STUB1: variants seen among roughly 807,000 people sequenced by gnomAD.
The protein encoded by STUB1 is E3 ubiquitin-protein ligase CHIP.
Under a neutral mutation model 40.3 loss-of-function variants are expected in STUB1, and 37 were observed. The observed-to-expected ratio is 0.92, with a 90% CI of 0.71 to 1.21. The LOEUF (loss-of-function observed/expected upper bound fraction) is 1.21. Ranked by LOEUF, STUB1 falls within the 50% of genes most tolerant of loss-of-function variation. The probability of loss-of-function intolerance (pLI) is 0.00; values close to 1 mark genes in which losing one functional copy is unlikely to be tolerated. For synonymous variants in STUB1, 246 were observed against 171.9 expected (o/e 1.43, Z -3.37); for missense variants, 460 against 421.9 (o/e 1.09, Z -0.79).
rs757164655 is a variant in STUB1 at position 681,222 on chromosome 16, A to G, written c.230A>G (p.Glu77Gly). The change falls in exon 2 of 7, where the codon GAG (glutamate) becomes GGG (glycine). Residue 77 changes from glutamate to glycine, a missense_variant. Coordinates refer to ENST00000219548, the MANE Select transcript of STUB1 (RefSeq NM_005861.4). ...TGCTACCTGAAGATGCAGCAGCACG[A>G]GCAGGCCCTGGCCGACTGCCGGCGC... ...ALCYLKMQQH[E>G]QALADCRRAL... 1.9e-6 allele frequency: 3 copies of G among 1,611,054 alleles called. No homozygotes were observed. Among genetic ancestry groups the G allele is most frequent in the South Asian group, 1.1e-5 (1 of 90,748 alleles).
At chr16:682,303 G>A (rs746439888) in intron 6 of STUB1, 22 bp downstream of exon 6, 20 of 1,612,484 alleles carry the variant, frequency 1.2e-5, no homozygotes, top group Non-Finnish European at 1.6e-5. Context: ...GGCTGGGGGA[G>A]CAGGGCCAGT....
At position 682,423 on chromosome 16, in the gene STUB1, C is replaced by G; in HGVS notation, c.846C>G (p.Pro282=). ...CCCTGACCCAGGAACAGCTCATCCC[C>G]AACTTGGCTATGAAGGAGGTTATTG... ...RSPLTQEQLI[P]NLAMKEVIDA... is the part of the protein sequence containing the mutation. Residue 282 remains proline (P), a synonymous_variant, in exon 7 of 7, where the codon CCC becomes CCG. Coordinates refer to ENST00000219548, the MANE Select transcript of STUB1 (RefSeq NM_005861.4). 1.2e-6 allele frequency: 2 copies of G among 1,613,450 alleles called. No individual in the cohort carries two copies. The highest frequency in any genetic ancestry group is 2.7e-5 in the African/African-American group (2 of 75,066).
Position 680,917 on chromosome 16 carries a change from G to A in STUB1, c.159+233G>A. On this transcript the variant is annotated intron_variant, in intron 1 of 6. Coordinates refer to ENST00000219548, the MANE Select transcript of STUB1 (RefSeq NM_005861.4). This position sits in a 1 kb window ranked among gnomAD's most constrained non-coding sequence, Gnocchi z 4.9. The stretch of plus-strand genomic sequence containing the variant: ...GGCCCTCGACCCTTGAGGACCCCAG[G>A]TCCTAAGCCCGGACTCTCCAAAGAT... 1 of 653,960 alleles carries A rather than the reference G, an allele frequency of 1.5e-6. No homozygotes were observed. The highest frequency in any genetic ancestry group is 2.2e-5 in the South Asian group (1 of 45,312). The allele number at this position is 653,960 out of a possible 1,614,324, so 40.5% of individuals were successfully genotyped here.
Position 681,062 on chromosome 16 carries a change from G to A in STUB1, c.160-90G>A. On this transcript the variant is annotated intron_variant, in intron 1 of 6. Coordinates refer to ENST00000219548, the MANE Select transcript of STUB1 (RefSeq NM_005861.4). ...TGAGAAACCTAGTTTCTTGATTCTAGCCAGAGCGCAGAAGCTGGGACGGGC... is the reference window on the plus strand; with the variant it reads ...TGAGAAACCTAGTTTCTTGATTCTAACCAGAGCGCAGAAGCTGGGACGGGC... 3.0e-6 allele frequency: 4 copies of A among 1,343,248 alleles called. No individual in the cohort carries two copies. The East Asian group carries it at 1.0e-4, about 34-fold the overall frequency. 83.2% of individuals were successfully genotyped at this position (1,343,248 alleles called of 1,614,324 possible).
Position 680,762 on chromosome 16 carries a change from G to C in STUB1, c.159+78G>C. ...GCCCGGGCCCGGCCGGCCCCACCGA[G>C]GGTCTGGCTCCTCTTCGGGGCGTGT... On this transcript the variant is annotated intron_variant, in intron 1 of 6. Coordinates refer to ENST00000219548, the MANE Select transcript of STUB1 (RefSeq NM_005861.4). This position sits in a 1 kb window ranked among gnomAD's most constrained non-coding sequence, Gnocchi z 4.9. The C allele has an allele frequency of 8.8e-7, 1 of 1,140,604 alleles. No homozygotes were observed. The allele number at this position is 1,140,604 out of a possible 1,614,324, so 70.7% of individuals were successfully genotyped here.
At position 681,499 on chromosome 16, in the gene STUB1, A is replaced by C; in HGVS notation, c.420A>C (p.Arg140=). 1.2e-6 allele frequency: 2 copies of C among 1,612,578 alleles called. No individual in the cohort carries two copies. The highest frequency in any genetic ancestry group is 8.5e-7 in the Non-Finnish European group (1 of 1,179,878). ...GGGACGACATCCCCAGCGCTCTTCGAATCGCGAAGAAGAAGCGCTGGAACA... is the reference window on the plus strand; with the variant it reads ...GGGACGACATCCCCAGCGCTCTTCGCATCGCGAAGAAGAAGCGCTGGAACA... ...NFGDDIPSAL[R]IAKKKRWNSI... Residue 140 remains arginine, a synonymous_variant, in exon 3 of 7, where the codon CGA becomes CGC. Coordinates refer to ENST00000219548, the MANE Select transcript of STUB1 (RefSeq NM_005861.4).
Position 682,537 on chromosome 16 carries a change from A to G in STUB1, c.*48A>G, listed in dbSNP as rs1249325114. 4 of 1,610,086 alleles carry G rather than the reference A, an allele frequency of 2.5e-6. No homozygotes were observed. In the African/African-American group the frequency reaches 5.3e-5, roughly 22 times the overall value. ...CCTGGTCCAGGGGAGCCCTGGGCAGAAGCCCCCGGCCCCTATACATAGTTT... is the reference window on the plus strand; with the variant it reads ...CCTGGTCCAGGGGAGCCCTGGGCAGGAGCCCCCGGCCCCTATACATAGTTT... On this transcript the variant is annotated 3_prime_UTR_variant, in exon 7 of 7. Coordinates refer to ENST00000219548, the MANE Select transcript of STUB1 (RefSeq NM_005861.4).
rs747066754 is a variant in STUB1 at position 681,316 on chromosome 16, G to A, written c.324G>A (p.Glu108=). The A allele has an allele frequency of 4.3e-6, 7 of 1,612,792 alleles. No individual in the cohort carries two copies. The highest frequency in any genetic ancestry group is 3.3e-5 in the Admixed American group (2 of 60,006). The change falls in exon 2 of 7, where the codon GAG becomes GAA. Residue 108 remains glutamate, a synonymous_variant. Transcript: ENST00000219548. ...FFLGQCQLEM[E]SYDEAIANLQ... is the part of the protein sequence containing the mutation. ...TGGGGCAGTGCCAGCTGGAGATGGA[G>A]AGCTATGATGAGGCCATCGCCAATC...
Position 682,441 on chromosome 16 carries a change from G to C in STUB1, c.864G>C (p.Glu288Asp). The C allele has an allele frequency of 1.9e-6, 3 of 1,613,472 alleles. No homozygotes were observed. Among genetic ancestry groups the C allele is most frequent in the South Asian group, 1.1e-5 (1 of 91,082 alleles). Residue 288 changes from glutamate to aspartate, a missense_variant, in exon 7 of 7, where the codon GAG becomes GAC. Transcript: ENST00000219548. ...TCATCCCCAACTTGGCTATGAAGGA[G>C]GTTATTGACGCATTCATCTCTGAGA... ...EQLIPNLAMK[E>D]VIDAFISENG...
chr16:682,200 C>T lies in STUB1; in HGVS notation c.705C>T (p.Ile235=). 1 of 1,611,696 alleles carries T rather than the reference C, an allele frequency of 6.2e-7. No individual in the cohort carries two copies. The highest frequency in any genetic ancestry group is 8.5e-7 in the Non-Finnish European group (1 of 1,178,538). The part of the protein sequence containing the change: ...RDIPDYLCGK[I]SFELMREPCI... ...TCCCCGACTACCTGTGTGGCAAGAT[C>T]AGCTTTGAGCTGATGCGGGAGCCGT... Residue 235 remains isoleucine, a synonymous_variant, in exon 6 of 7, where the codon ATC becomes ATT. Coordinates refer to ENST00000219548, the MANE Select transcript of STUB1 (RefSeq NM_005861.4).
rs1000603813 is a variant in STUB1, at chr16:682,627, C to G, written c.*138C>G. 6 of 1,436,674 alleles carry G rather than the reference C, an allele frequency of 4.2e-6. No individual in the cohort carries two copies. Among genetic ancestry groups the G allele is most frequent in the African/African-American group, 1.4e-5 (1 of 71,662 alleles). The allele number at this position is 1,436,674 out of a possible 1,614,324, so 89.0% of individuals were successfully genotyped here. ...TGTTGGACTCTGGACTGTTTCCCCT[C>G]TCAGCATCGCTTTTGCTGGGCCGTG... On this transcript the variant is annotated 3_prime_UTR_variant, in exon 7 of 7. Transcript: ENST00000219548.
At position 680,500 on chromosome 16, in the gene STUB1, G is replaced by T; in HGVS notation, c.-26G>T. The T allele has an allele frequency of 1.6e-6, 2 of 1,212,868 alleles. No individual in the cohort carries two copies. The highest frequency in any genetic ancestry group is 6.8e-5 in the South Asian group (2 of 29,444). The allele number at this position is 1,212,868 out of a possible 1,614,324, so 75.1% of individuals were successfully genotyped here. ...CCGCGAGGCGCGGAGCTTGGGAGCG[G>T]AGCCCAGGCCGTGCCGCGCGGCGCC... On this transcript the variant is annotated 5_prime_UTR_variant, in exon 1 of 7. Transcript: ENST00000219548. The surrounding 1 kb of genome is among the most constrained non-coding windows in gnomAD (Gnocchi z 4.9).
Position 682,096 on chromosome 16 carries a change from T to C in STUB1, c.669+20T>C. Reference sequence around the variant, plus strand: ...AGGAAGGTGAGTGTGTGTCGCTTGCTGCCGATGGCTGGCAGGTGCTCGTGC... The same window carrying C: ...AGGAAGGTGAGTGTGTGTCGCTTGCCGCCGATGGCTGGCAGGTGCTCGTGC... On this transcript the variant is annotated intron_variant, in intron 5 of 6. Coordinates refer to ENST00000219548, the MANE Select transcript of STUB1 (RefSeq NM_005861.4). 1 of 1,581,730 alleles carries C rather than the reference T, an allele frequency of 6.3e-7. No homozygotes were observed. The highest frequency in any genetic ancestry group is 1.1e-5 in the South Asian group (1 of 87,748).
Position 681,154 on chromosome 16 carries a change from C to T in STUB1, c.162C>T (p.Thr54=). ...EAAACYGRAI[T]RNPLVAVYYT... ...GCTGGCCCGGCCTTGGTCCCTAGAC[C>T]CGGAACCCGCTGGTGGCCGTGTATT... The change falls in exon 2 of 7, where the codon ACC becomes ACT. Residue 54 remains threonine, a splice_region_variant and synonymous_variant. Coordinates refer to ENST00000219548, the MANE Select transcript of STUB1 (RefSeq NM_005861.4). 1.9e-6 allele frequency: 3 copies of T among 1,556,416 alleles called. No homozygotes were observed. The highest frequency in any genetic ancestry group is 2.6e-6 in the Non-Finnish European group (3 of 1,150,532).
chr16:680,981 AGGCTCAGCCAGT>A lies in STUB1; in HGVS notation c.160-170_160-159del. 1 of 715,576 alleles carries A rather than the reference AGGCTCAGCCAGT, an allele frequency of 1.4e-6. No individual in the cohort carries two copies. 44.3% of individuals were successfully genotyped at this position (715,576 alleles called of 1,614,324 possible). On this transcript the variant is annotated intron_variant, in intron 1 of 6. Transcript: ENST00000219548. The surrounding 1 kb of genome is among the most constrained non-coding windows in gnomAD (Gnocchi z 4.9). ...CAAAACCAAGTGGAATCAAGCGGAT[AGGCTCAGCCAGT>A]ACTCCACTGTGCACAGATCCTTGGA... is the stretch of plus-strand genomic sequence containing the variant.
chr16:682,719 ATC>A lies in STUB1; in HGVS notation c.*232_*233del. On this transcript the variant is annotated 3_prime_UTR_variant, in exon 7 of 7. Coordinates refer to ENST00000219548, the MANE Select transcript of STUB1 (RefSeq NM_005861.4). ...CTGGGCTGAGGCCATTGCCGCCACT[ATC>A]TGTGTAATAAAATCCGTGAGCACGA... 1 of 1,536,162 alleles carries A rather than the reference ATC, an allele frequency of 6.5e-7. No individual in the cohort carries two copies. Among genetic ancestry groups the A allele is most frequent in the Non-Finnish European group, 8.9e-7 (1 of 1,121,418 alleles).
At position 682,177 on chromosome 16, in the gene STUB1, C is replaced by G; in HGVS notation, c.682C>G (p.Pro228Ala). Reference protein sequence around the residue: ...VDEKRKKRDIPDYLCGKISFE... With the variant: ...VDEKRKKRDIADYLCGKISFE... The stretch of plus-strand genomic sequence containing the variant: ...CCCTGTGCCACAGAAGCGAGACATC[C>G]CCGACTACCTGTGTGGCAAGATCAG... Residue 228 changes from proline (P) to alanine (A), a missense_variant, in exon 6 of 7, where the codon CCC (proline) becomes GCC (alanine). By Grantham distance (27) the Pro-to-Ala change is conservative. Coordinates refer to ENST00000219548, the MANE Select transcript of STUB1 (RefSeq NM_005861.4). 6.2e-7 allele frequency: 1 copy of G among 1,607,866 alleles called. No homozygotes were observed. Among genetic ancestry groups the G allele is most frequent in the Non-Finnish European group, 8.5e-7 (1 of 1,175,210 alleles).
At chr16:681,095 C>CA in intron 1 of STUB1, 57 bp from the exon 2 acceptor site, 1 of 1,499,738 alleles carries the variant, frequency 6.7e-7, no homozygotes, top group Non-Finnish European at 9.0e-7. Flanking sequence ...GGCCGTGGGT[C>CA]AGAGTGGGCA....
At position 680,728 on chromosome 16, in the gene STUB1, G is replaced by T. The variant is rs1169246727; in HGVS notation, c.159+44G>T. On this transcript the variant is annotated intron_variant, in intron 1 of 6. Transcript: ENST00000219548. This position sits in a 1 kb window ranked among gnomAD's most constrained non-coding sequence, Gnocchi z 4.9. ...GGAGGGCGGCGGCGGTGGCACCGGG[G>T]AGGGCCGGGCCCGGGCCCGGCCGGC... 3 of 1,195,768 alleles carry T rather than the reference G, an allele frequency of 2.5e-6. No homozygotes were observed. The highest frequency in any genetic ancestry group is 9.1e-5 in the Admixed American group (2 of 22,092). 74.1% of individuals were successfully genotyped at this position (1,195,768 alleles called of 1,614,324 possible).
Sources: allele counts gnomAD v4.1 joint callset, GRCh38; gene constraint gnomAD v4.1.1; non-coding constraint Gnocchi (gnomAD v3.1); transcripts MANE v1.5; gene names NCBI Gene and HGNC (gene_info 2026-07-23, HGNC 2026-07-21).